NDUFA5: variants seen among roughly 807,000 people sequenced by gnomAD.
NDUFA5 encodes the protein NADH:ubiquinone oxidoreductase subunit A5.
Under a neutral mutation model 19.8 loss-of-function variants are expected in NDUFA5, and 11 were observed. The observed-to-expected ratio is 0.56, with a 90% CI of 0.35 to 0.92. NDUFA5 has a LOEUF of 0.92. NDUFA5 is among the 40% of genes least tolerant of loss of function. The pLI, the probability that NDUFA5 is intolerant of heterozygous loss-of-function variation, is 0.01. For synonymous variants in NDUFA5, 47 were observed against 46.8 expected (o/e 1.00, Z -0.01); for missense variants, 109 against 134.2 (o/e 0.81, Z 0.93).
At chr7:123,557,578 CGCTT>C in intron 1 of NDUFA5, 130 bp from the exon 2 acceptor site, 1 of 1,612,558 alleles carries the variant, frequency 6.2e-7, no homozygotes, top group East Asian at 2.2e-5. Flanking sequence ...CTCTCAGTCT[CGCTT>C]GTTTGGAGCT....
At chr7:123,574,980 C>T in the NDUFA5 span, among the ~76,000 whole-genome samples, 1 of 151,550 alleles carries the variant, frequency 6.6e-6, no homozygotes, top group Non-Finnish European at 1.5e-5. Context: ...TGTAAGACTC[C>T]ACCATGAATA....
the NDUFA5 span, among the ~76,000 whole-genome samples, chr7:123,593,256 A>G: frequency 6.6e-6 from 1 of 152,122 alleles, no homozygotes; most frequent in Non-Finnish European, 1.5e-5. Context: ...TAATTGGGGC[A>G]TTTAGCCTGT....
At chr7:123,542,242 A>C in intron 4 of NDUFA5, 22 bp from the exon 5 acceptor site, 1 of 1,568,876 alleles carries the variant, frequency 6.4e-7, no homozygotes, top group Non-Finnish European at 8.7e-7. Flanking sequence ...AATTTTTTAA[A>C]AGATCATTGG....
upstream of NDUFA5, chr7:123,557,931 A>C (rs1798627678): frequency 6.8e-7 from 1 of 1,467,416 alleles, no homozygotes; most frequent in African/African-American, 1.4e-5. Flanking sequence ...AAAGGAGCAA[A>C]GACTCTGCCC....
chr7:123,583,568 A>C, the NDUFA5 span, among the ~76,000 whole-genome samples: 47 of 152,152 alleles, frequency 3.1e-4, no homozygotes, highest in Non-Finnish European at 5.9e-4. Flanking sequence ...AGTTACTAGT[A>C]TAAACTTTTA....
At chr7:123,580,764 C>G in the NDUFA5 span, among the ~76,000 whole-genome samples, 4 of 151,914 alleles carry the variant, frequency 2.6e-5, no homozygotes, top group African/African-American at 9.7e-5. Flanking sequence ...ACAACCGTAC[C>G]TGGAAGCCCT....
intron 2 of NDUFA5, among the ~76,000 whole-genome samples, chr7:123,553,221 A>T (rs1042856641): frequency 6.6e-6 from 1 of 152,330 alleles, no homozygotes; most frequent in Non-Finnish European, 1.5e-5. Context: ...AGACTGGGTG[A>T]TTTATAAAGG....
chr7:123,559,640 T>C (rs1798662087), upstream of NDUFA5, among the ~76,000 whole-genome samples: 1 of 151,978 alleles, frequency 6.6e-6, no homozygotes, highest in Non-Finnish European at 1.5e-5. Flanking sequence ...GAGGATCACC[T>C]GAGGTCAAGG....
At chr7:123,546,202 A>C (rs1798127242) in intron 3 of NDUFA5, among the ~76,000 whole-genome samples, 1 of 152,160 alleles carries the variant, frequency 6.6e-6, no homozygotes, top group Admixed American at 6.5e-5. Flanking sequence ...ATAATACTTC[A>C]CAGCAATGAA....
rs948070061 is a variant in NDUFA5 at position 123,541,830 on chromosome 7, T to C, written c.*289A>G. On this transcript the variant is annotated 3_prime_UTR_variant, in exon 5 of 5. Transcript: ENST00000355749. ...AAGAAAGTTTACTTTTTGATTATGGTCTCTGCATTGAAAATCTGTAGGAAT... is the reference window on the plus strand; with the variant it reads ...AAGAAAGTTTACTTTTTGATTATGGCCTCTGCATTGAAAATCTGTAGGAAT... 2.6e-5 allele frequency: 5 copies of C among 192,630 alleles called. No homozygotes were observed. Among genetic ancestry groups the C allele is most frequent in the Middle Eastern group, 2.0e-3 (1 of 498 alleles). The allele number at this position is 192,630 out of a possible 1,614,324, so 11.9% of individuals were successfully genotyped here.
the NDUFA5 span, among the ~76,000 whole-genome samples, chr7:123,576,758 A>G: frequency 6.6e-6 from 1 of 152,176 alleles, no homozygotes; most frequent in Non-Finnish European, 1.5e-5. Flanking sequence ...CTTCACCTTT[A>G]GAAAGTATAT....
At chr7:123,554,195 A>G (rs1482741715) in intron 2 of NDUFA5, among the ~76,000 whole-genome samples, 1 of 152,226 alleles carries the variant, frequency 6.6e-6, no homozygotes, top group Non-Finnish European at 1.5e-5. Context: ...AAAACACTAT[A>G]AAATACCATT....
upstream of NDUFA5, among the ~76,000 whole-genome samples, chr7:123,560,895 C>T (rs6973794): frequency 0.31 from 47,551 of 151,984 alleles, 7,677 homozygotes; most frequent in African/African-American, 0.38. Context: ...CAAAAATATG[C>T]TCTAGTCTAT....
At chr7:123,582,738 C>A in the NDUFA5 span, among the ~76,000 whole-genome samples, 1 of 151,970 alleles carries the variant, frequency 6.6e-6, no homozygotes, top group South Asian at 2.1e-4. Flanking sequence ...CTCCTGGAAG[C>A]TAAGCATCAC....
upstream of NDUFA5, among the ~76,000 whole-genome samples, chr7:123,561,635 T>C (rs990951134): frequency 1.3e-5 from 2 of 152,188 alleles, no homozygotes; most frequent in Non-Finnish European, 2.9e-5. Flanking sequence ...AGAGTCTCTA[T>C]TGCCCAGGCT....
the NDUFA5 span, among the ~76,000 whole-genome samples, chr7:123,571,441 CTG>C: frequency 5.9e-5 from 9 of 152,118 alleles, no homozygotes; most frequent in Non-Finnish European, 1.2e-4. Context: ...ATTAATCACC[CTG>C]TGAAAGTGAT....
At chr7:123,564,624 G>A in the NDUFA5 span, among the ~76,000 whole-genome samples, 2 of 151,614 alleles carry the variant, frequency 1.3e-5, no homozygotes, top group Non-Finnish European at 1.5e-5. Context: ...GTGTGTGTGT[G>A]TATATACACA....
In NDUFA5 at chr7:123,541,928, G is replaced by A; in HGVS notation, c.*191C>T. On this transcript the variant is annotated 3_prime_UTR_variant, in exon 5 of 5. Transcript: ENST00000355749. The stretch of plus-strand genomic sequence containing the variant: ...AAATATCATCTTTGAAACAACTTGT[G>A]TGAGTACTTTATAAATCAAAAATTG... 1 of 363,232 alleles carries A rather than the reference G, an allele frequency of 2.8e-6. No homozygotes were observed. The highest frequency in any genetic ancestry group is 4.9e-6 in the Non-Finnish European group (1 of 203,434). The allele number at this position is 363,232 out of a possible 1,614,324, so 22.5% of individuals were successfully genotyped here.
the NDUFA5 span, among the ~76,000 whole-genome samples, chr7:123,572,655 C>A: frequency 1.3e-5 from 2 of 150,544 alleles, no homozygotes; most frequent in Middle Eastern, 3.2e-3. Context: ...TATTATTACC[C>A]CACGGTTTTT....
Sources: gnomAD v4.1 joint callset for allele counts (sites outside exome capture counted in the v4.1 genomes callset) on GRCh38, gnomAD v4.1.1 for gene constraint, MANE v1.5 for transcripts, NCBI Gene and HGNC (gene_info 2026-07-23, HGNC 2026-07-21) for gene names.